Variants in RAB37 observed in about 807,000 individuals in gnomAD.
RAB37 encodes RAB37, member RAS oncogene family.
RAB37 carries 29 observed loss-of-function variants against 33.1 expected under a neutral mutation model. The observed-to-expected ratio is 0.88, with a 90% CI of 0.65 to 1.20. The LOEUF is 1.20. Ranked by LOEUF, RAB37 falls within the 50% of genes most tolerant of loss-of-function variation. RAB37 has a pLI of 0.00. For synonymous variants in RAB37, 128 were observed against 119.5 expected (o/e 1.07, Z -0.47); for missense variants, 299 against 301.1 (o/e 0.99, Z 0.05).
chr17:74,734,622 T>C (rs1461097891), upstream of RAB37, among the ~76,000 whole-genome samples: 2 of 152,086 alleles, frequency 1.3e-5, no homozygotes, highest in Non-Finnish European at 2.9e-5. Flanking sequence ...GGCAGGCGGA[T>C]CACCTAAGGT....
upstream of RAB37, among the ~76,000 whole-genome samples, chr17:74,733,899 A>G (rs920854295): frequency 6.6e-6 from 1 of 151,968 alleles, no homozygotes; most frequent in Non-Finnish European, 1.5e-5. Flanking sequence ...CATACCACAG[A>G]CCCAGCAGGC....
chr17:74,715,110 GA>G (rs1567805311), intron 1 of RAB37, among the ~76,000 whole-genome samples: 1 of 152,108 alleles, frequency 6.6e-6, no homozygotes, highest in Non-Finnish European at 1.5e-5. Context: ...CAACAAGAGT[GA>G]AACTCCATCT....
intron 1 of RAB37, among the ~76,000 whole-genome samples, chr17:74,718,243 A>G (rs1036859376): frequency 6.6e-6 from 1 of 152,178 alleles, no homozygotes; most frequent in Non-Finnish European, 1.5e-5. Flanking sequence ...GCAGTGAGCC[A>G]AGATCGTGCC....
chr17:74,719,539 A>T (rs2034211256), intron 1 of RAB37, among the ~76,000 whole-genome samples: 1 of 151,910 alleles, frequency 6.6e-6, no homozygotes, highest in Non-Finnish European at 1.5e-5. Flanking sequence ...ATGGGTTCTC[A>T]CTGTGTCACC....
chr17:74,674,310 G>A (rs1184668446), intron 1 of RAB37, among the ~76,000 whole-genome samples: 1 of 122,754 alleles, frequency 8.1e-6, no homozygotes, highest in Non-Finnish European at 2.0e-5. Context: ...TTGAACTCCT[G>A]GCCTCAAGAG....
chr17:74,735,144 G>C (rs1441723882), upstream of RAB37, among the ~76,000 whole-genome samples: 1 of 140,822 alleles, frequency 7.1e-6, no homozygotes, highest in Non-Finnish European at 1.5e-5. Flanking sequence ...GAGAGAGAGA[G>C]AGAAAGGAAA....
At chr17:74,736,895 G>A (rs1380148358), upstream of RAB37, 4 of 1,489,536 alleles carry the variant, frequency 2.7e-6, no homozygotes, top group South Asian at 1.3e-5. Context: ...CTCGGGCGCC[G>A]CCTGCTGTCG....
chr17:74,706,397 G>C (rs1388692844), intron 1 of RAB37, among the ~76,000 whole-genome samples: 1 of 148,342 alleles, frequency 6.7e-6, no homozygotes, highest in East Asian at 2.0e-4. Flanking sequence ...ATCTTTCAAA[G>C]GTGAGAATAT....
rs1369400532 is a variant in RAB37 at position 74,744,885 on chromosome 17, A to G, written c.445A>G (p.Ser149Gly). The G allele has an allele frequency of 1.2e-6, 2 of 1,614,154 alleles. No homozygotes were observed. The highest frequency in any genetic ancestry group is 1.7e-6 in the Non-Finnish European group (2 of 1,180,052). Residue 149 changes from serine to glycine, a missense_variant, in exon 7 of 9, where the codon AGC becomes GGC. Transcript: ENST00000392613. This position sits in a 1 kb window ranked among gnomAD's most constrained non-coding sequence, Gnocchi z 4.2. The stretch of plus-strand genomic sequence containing the variant: ...TTGGGCTTGACAGGCGGATATGAGC[A>G]GCGAAAGAGTGATCCGTTCCGAAGA... ...MLLGNKADMS[S>G]ERVIRSEDGE...
chr17:74,736,927 ACT>A, upstream of RAB37: 1 of 1,503,560 alleles, frequency 6.7e-7, no homozygotes, highest in East Asian at 2.5e-5. Flanking sequence ...GACTACGGGA[ACT>A]CTTCCGCAGC....
rs536112217 is a variant in RAB37, at chr17:74,705,111, A to G, written c.73-24145A>G. The G allele has an allele frequency of 3.0e-5, 20 of 674,254 alleles. No individual in the cohort carries two copies. The African/African-American group carries it at 3.3e-4, about 11-fold the overall frequency. 41.8% of individuals were successfully genotyped at this position (674,254 alleles called of 1,614,324 possible). ...CCACCCTACGGCCAAGGTAATCTGTATATTTCAAGGAATGTCCTTTTGCAG... is the reference window on the plus strand; with the variant it reads ...CCACCCTACGGCCAAGGTAATCTGTGTATTTCAAGGAATGTCCTTTTGCAG... On this transcript the variant is annotated intron_variant, in intron 1 of 7. Coordinates refer to the RAB37 transcript ENST00000340415.
intron 1 of RAB37, chr17:74,702,934 A>T: frequency 1.0e-6 from 1 of 959,284 alleles, no homozygotes; most frequent in Non-Finnish European, 1.6e-6. Flanking sequence ...AGGAGCATGC[A>T]GGTCCCAGAC....
intron 1 of RAB37, among the ~76,000 whole-genome samples, chr17:74,683,322 A>T (rs2031990690): frequency 6.6e-6 from 1 of 152,170 alleles, no homozygotes; most frequent in Non-Finnish European, 1.5e-5. Flanking sequence ...GGGAATGAGG[A>T]TTCAGGAAGC....
chr17:74,729,567 C>T lies in RAB37; in HGVS notation c.183+201C>T, dbSNP rs573305149. Among the ~76,000 whole-genome samples, 1 of 152,076 alleles carries T rather than the reference C, an allele frequency of 6.6e-6. No individual in the cohort carries two copies. Among genetic ancestry groups the T allele is most frequent in the African/African-American group, 2.4e-5 (1 of 41,504 alleles). On this transcript the variant is annotated intron_variant, in intron 2 of 7. Coordinates refer to the RAB37 transcript ENST00000340415. The surrounding 1 kb of genome is among the most constrained non-coding windows in gnomAD (Gnocchi z 4.2). Reference sequence around the variant, plus strand: ...CTGCCCCTGGGTAGTCCAGGAACTCCGCCCACCTCTAGCCTCAAGCAGGAA... The same window carrying T: ...CTGCCCCTGGGTAGTCCAGGAACTCTGCCCACCTCTAGCCTCAAGCAGGAA...
intron 1 of RAB37, among the ~76,000 whole-genome samples, chr17:74,711,228 G>T (rs942289919): frequency 6.6e-6 from 1 of 152,058 alleles, no homozygotes. Flanking sequence ...AGTGGTATCC[G>T]GGCTCCATGT....
intron 1 of RAB37, among the ~76,000 whole-genome samples, chr17:74,691,822 G>A (rs1334452504): frequency 1.3e-5 from 2 of 151,136 alleles, no homozygotes; most frequent in African/African-American, 4.9e-5. Context: ...CACAATAGTT[G>A]AAATGGCACA....
chr17:74,674,677 C>CA (rs1378967148), intron 1 of RAB37, among the ~76,000 whole-genome samples: 3 of 151,728 alleles, frequency 2.0e-5, no homozygotes, highest in Non-Finnish European at 4.4e-5. Flanking sequence ...GACTCCATCT[C>CA]AAAAAAACAA....
At chr17:74,736,198 G>C (rs796185386), upstream of RAB37, among the ~76,000 whole-genome samples, 18 of 151,642 alleles carry the variant, frequency 1.2e-4, 1 homozygote, top group African/African-American at 4.4e-4. Context: ...GGGCGACAGA[G>C]TGAGACTCTG....
chr17:74,690,815 C>A (rs897698115), intron 1 of RAB37, among the ~76,000 whole-genome samples: 1 of 152,224 alleles, frequency 6.6e-6, no homozygotes, highest in African/African-American at 2.4e-5. Flanking sequence ...GACTGTCAAC[C>A]TATTTCTGAG....
Sources: allele counts gnomAD v4.1 joint callset (sites outside exome capture counted in the v4.1 genomes callset), GRCh38; gene constraint gnomAD v4.1.1; non-coding constraint Gnocchi (gnomAD v3.1); transcripts MANE v1.5; gene names NCBI Gene and HGNC (gene_info 2026-07-23, HGNC 2026-07-21).